MPO: variants seen among roughly 807,000 people sequenced by gnomAD.
MPO encodes the protein myeloperoxidase.
Under a neutral mutation model 69.4 loss-of-function variants are expected in MPO, and 57 were observed. The observed-to-expected ratio is 0.82, with a 90% CI of 0.66 to 1.02. The LOEUF (loss-of-function observed/expected upper bound fraction) is 1.02, where lower values mean the gene tolerates loss of function less well. Ranked by LOEUF, MPO falls within the 50% of genes least tolerant of loss-of-function variation. The pLI is 0.00. For missense variants in MPO, 971 were observed against 1,014.1 expected, an observed-to-expected ratio of 0.96 and a Z score of 0.58; for synonymous variants, 426 against 417.1, an observed-to-expected ratio of 1.02 and a Z score of -0.26.
intron 4 of MPO, 22 bp downstream of exon 4, chr17:58,279,501 A>G (rs1425100775): frequency 6.2e-7 from 1 of 1,613,316 alleles, no homozygotes; most frequent in Admixed American, 1.7e-5. Context: ...CGGTTCCTGC[A>G]GCCACCCCCA....
intron 11 of MPO, among the ~76,000 whole-genome samples, chr17:58,271,095 G>C (rs1234634027): frequency 6.6e-6 from 1 of 152,174 alleles, no homozygotes; most frequent in Non-Finnish European, 1.5e-5. Flanking sequence ...CCCTAGCCCG[G>C]CGGCCTCCAG....
rs774207721 is a variant in MPO at position 58,275,447 on chromosome 17, G to C, written c.1365+95C>G. ...CAGCCTCATGGATGAAGAAGGCAAG[G>C]CTCAGGAGCGTTAGGAACTTGCCCA... On this transcript the variant is annotated intron_variant, in intron 8 of 11. Transcript: ENST00000225275. This position sits in a 1 kb window ranked among gnomAD's most constrained non-coding sequence, Gnocchi z 4.1. 98 of 1,500,222 alleles carry C rather than the reference G, an allele frequency of 6.5e-5. No individual in the cohort carries two copies. The Middle Eastern group carries it at 1.2e-3, about 19-fold the overall frequency. The allele number at this position is 1,500,222 out of a possible 1,614,324, so 92.9% of individuals were successfully genotyped here.
chr17:58,273,067 T>A, intron 9 of MPO, 149 bp from the exon 10 acceptor site: 1 of 983,926 alleles, frequency 1.0e-6, no homozygotes, highest in Non-Finnish European at 1.5e-6. Flanking sequence ...GTGGCCCCAG[T>A]GAGCAGGTCC....
At position 58,279,861 on chromosome 17, in the gene MPO, C is replaced by T. The variant is rs1970491995; in HGVS notation, c.402G>A (p.Trp134Ter). ...DLLERKLRSLWRRPFNVTDVL... is the reference protein window; with the variant it reads ...DLLERKLRSL ...TACCAGTGACATTGAATGGCCTTCG[C>T]CACAGGGACCGCAGCTTCCTCTCCA... is the stretch of plus-strand genomic sequence containing the variant. Residue 134 changes from tryptophan to a stop codon, truncating the protein, a stop_gained, in exon 3 of 12, where the codon TGG becomes TGA. Coordinates refer to ENST00000225275, the MANE Select transcript of MPO (RefSeq NM_000250.2). LOFTEE classifies it high-confidence loss of function. 1.2e-6 allele frequency: 2 copies of T among 1,614,092 alleles called. No individual in the cohort carries two copies. The highest frequency in any genetic ancestry group is 1.7e-6 in the Non-Finnish European group (2 of 1,180,028).
intron 3 of MPO, 32 bp from the exon 4 acceptor site, chr17:58,279,678 G>A: frequency 6.2e-7 from 1 of 1,614,018 alleles, no homozygotes. Flanking sequence ...GGGGAGCTGA[G>A]CCGCCTCACT....
At chr17:58,278,290 G>C (rs1970465092) in intron 6 of MPO, 145 bp from the exon 7 acceptor site, 1 of 872,298 alleles carries the variant, frequency 1.1e-6, no homozygotes, top group East Asian at 2.6e-5. Context: ...CGCTGCCTAG[G>C]GCGCCATCAG....
intron 9 of MPO, 53 bp from the exon 10 acceptor site, chr17:58,272,971 T>C: frequency 6.2e-7 from 1 of 1,603,774 alleles, no homozygotes; most frequent in Non-Finnish European, 8.5e-7. Context: ...GTATCAGAGC[T>C]CAGATTGGAG....
In MPO at chr17:58,279,393, G is replaced by C. The variant is rs1481018192; in HGVS notation, c.582C>G (p.Ala194=). The C allele has an allele frequency of 6.2e-7, 1 of 1,606,788 alleles. No individual in the cohort carries two copies. The highest frequency in any genetic ancestry group is 1.7e-5 in the Admixed American group (1 of 58,932). ...ACTCCGCCGGCAGCCAGCGCACAAA[G>C]GCACGGTTGGAGGCCCCCAGCGTGG... The part of the protein sequence containing the change: ...RSPTLGASNR[A]FVRWLPAEYE... The change falls in exon 5 of 12, where the codon GCC becomes GCG. Residue 194 remains alanine, a synonymous_variant. Coordinates refer to ENST00000225275, the MANE Select transcript of MPO (RefSeq NM_000250.2).
intron 9 of MPO, 123 bp from the exon 10 acceptor site, chr17:58,273,041 G>T (rs1391168492): frequency 1.6e-6 from 2 of 1,252,500 alleles, no homozygotes; most frequent in Non-Finnish European, 1.1e-6. Context: ...CACAAGCAGT[G>T]CCTGGTGCCA....
In MPO at chr17:58,280,904, G is replaced by C; in HGVS notation, c.-146C>G. On this transcript the variant is annotated 5_prime_UTR_variant, in exon 1 of 12. Transcript: ENST00000225275. ...CAGCTGCTGTCATCCAGCTTCCAAG[G>C]ACCCCACCTCCACAGCTCACCTGAT... The C allele has an allele frequency of 1.1e-6, 1 of 895,480 alleles. No homozygotes were observed. 55.5% of individuals were successfully genotyped at this position (895,480 alleles called of 1,614,324 possible).
chr17:58,270,281 G>T lies in MPO; in HGVS notation c.*375C>A, dbSNP rs1272844198. 7 of 338,188 alleles carry T rather than the reference G, an allele frequency of 2.1e-5. No individual in the cohort carries two copies. Among genetic ancestry groups the T allele is most frequent in the Non-Finnish European group, 4.0e-5 (7 of 173,802 alleles). The allele number at this position is 338,188 out of a possible 1,614,324, so 20.9% of individuals were successfully genotyped here. On this transcript the variant is annotated 3_prime_UTR_variant, in exon 12 of 12. Transcript: ENST00000225275. The surrounding 1 kb of genome is among the most constrained non-coding windows in gnomAD (Gnocchi z 4.1). ...AACTCTTGTTTAAGGAGGGTAATTT[G>T]CTCAAGGTCACATAGCTAGCAAGCC...
At chr17:58,277,703 T>C (rs1598041994) in intron 7 of MPO, 124 bp downstream of exon 7, 2 of 1,347,434 alleles carry the variant, frequency 1.5e-6, no homozygotes, top group East Asian at 2.4e-5. Context: ...ATGAAGTTGA[T>C]AGTAATGGCT....
intron 1 of MPO, 49 bp downstream of exon 1, chr17:58,280,556 A>T: frequency 6.2e-7 from 1 of 1,614,096 alleles, no homozygotes; most frequent in Non-Finnish European, 8.5e-7. Flanking sequence ...GGGTCTCTGG[A>T]ACACAACCAC....
chr17:58,273,444 A>G lies in MPO; in HGVS notation c.1591T>C (p.Phe531Leu), dbSNP rs1352139149. The part of the protein sequence containing the change: ...PNPRVPLSRV[F>L]FASWRVVLEG... The stretch of plus-strand genomic sequence containing the variant: ...AGCACGACCCTCCAGGAGGCAAAAA[A>G]GACCCTGCTGAGGGGGACACGGGGG... The change falls in exon 9 of 12, where the codon TTT (phenylalanine) becomes CTT (leucine). Residue 531 changes from phenylalanine to leucine, a missense_variant. By Grantham distance (22) the Phe-to-Leu change is conservative (BLOSUM62 0). Transcript: ENST00000225275. 6.2e-7 allele frequency: 1 copy of G among 1,614,204 alleles called. No individual in the cohort carries two copies.
Position 58,273,463 on chromosome 17 carries a change from A to G in MPO, c.1572T>C (p.Arg524=), listed in dbSNP as rs1287202897. Residue 524 remains arginine, a synonymous_variant, in exon 9 of 12, where the codon CGT becomes CGC. Coordinates refer to ENST00000225275, the MANE Select transcript of MPO (RefSeq NM_000250.2). ...CAAAAAAGACCCTGCTGAGGGGGAC[A>G]CGGGGGTTGGGTTCCATGGGCTGGT... The part of the protein sequence containing the change: ...NRYQPMEPNP[R]VPLSRVFFAS... 6.2e-7 allele frequency: 1 copy of G among 1,614,132 alleles called. No individual in the cohort carries two copies. Among genetic ancestry groups the G allele is most frequent in the Non-Finnish European group, 8.5e-7 (1 of 1,180,030 alleles).
At position 58,270,918 on chromosome 17, in the gene MPO, G is replaced by A; in HGVS notation, c.2031-55C>T. On this transcript the variant is annotated intron_variant, in intron 11 of 11. Transcript: ENST00000225275. This position sits in a 1 kb window ranked among gnomAD's most constrained non-coding sequence, Gnocchi z 4.1. Reference sequence around the variant, plus strand: ...CCCAAGGATATTCTGGGCTGGCAGGGCATCGATGGGCTTGTGCTGCTCCCA... The same window carrying A: ...CCCAAGGATATTCTGGGCTGGCAGGACATCGATGGGCTTGTGCTGCTCCCA... 1 of 1,582,310 alleles carries A rather than the reference G, an allele frequency of 6.3e-7. No homozygotes were observed. Among genetic ancestry groups the A allele is most frequent in the Non-Finnish European group, 8.7e-7 (1 of 1,153,302 alleles).
At chr17:58,278,895 G>A (rs1970473762) in intron 6 of MPO, 113 bp downstream of exon 6, 3 of 1,269,616 alleles carry the variant, frequency 2.4e-6, no homozygotes, top group East Asian at 2.5e-5. Flanking sequence ...GGGAGGCAGG[G>A]CCAGCCTTCC....
At chr17:58,272,656 C>G in intron 10 of MPO, 92 bp downstream of exon 10, 1 of 1,462,382 alleles carries the variant, frequency 6.8e-7, no homozygotes, top group East Asian at 2.3e-5. Flanking sequence ...TTGGAGAGGG[C>G]AGGGACCCTA....
At chr17:58,274,414 G>A (rs1447273408) in intron 8 of MPO, among the ~76,000 whole-genome samples, 1 of 151,982 alleles carries the variant, frequency 6.6e-6, no homozygotes, top group Admixed American at 6.6e-5. Context: ...CTGCCTCTGA[G>A]GGAGAGGGTG....
Sources: allele counts gnomAD v4.1 joint callset (sites outside exome capture counted in the v4.1 genomes callset), GRCh38; gene constraint gnomAD v4.1.1; non-coding constraint Gnocchi (gnomAD v3.1); transcripts MANE v1.5; gene names NCBI Gene and HGNC (gene_info 2026-07-23, HGNC 2026-07-21).